The following MAEA variants were observed in gnomAD, a reference collection of about 807,000 sequenced individuals.
The protein encoded by MAEA is E3 ubiquitin-protein transferase MAEA.
In MAEA, 22 loss-of-function variants were observed where a neutral mutation model predicts 46.2. That is an observed-to-expected ratio of 0.48 (90% CI 0.34 to 0.68). The LOEUF is 0.68. MAEA is among the 30% of genes least tolerant of loss of function. The pLI is 0.01. For missense variants in MAEA, 393 were observed against 558.1 expected (o/e 0.70, Z 2.98); for synonymous variants, 246 against 222.6 (o/e 1.11, Z -0.94).
intron 5 of MAEA, 144 bp downstream of exon 5, chr4:1,327,847 G>A: frequency 1.5e-6 from 1 of 650,020 alleles, no homozygotes; most frequent in Non-Finnish European, 2.7e-6. Flanking sequence ...GCCTGCTCAG[G>A]TGGCTGCTTC....
intron 4 of MAEA, among the ~76,000 whole-genome samples, chr4:1,324,688 A>G (rs1318651264): frequency 8.7e-6 from 1 of 114,676 alleles, no homozygotes; most frequent in African/African-American, 3.9e-5. Context: ...CTGGTGTTGG[A>G]TGAAGTTGAG....
intron 6 of MAEA, chr4:1,335,032 C>T (rs1462809704): frequency 2.4e-5 from 24 of 985,406 alleles, no homozygotes; most frequent in Admixed American, 1.8e-4. Context: ...CAGGTGTGGC[C>T]GTCTCCCCCC....
intron 4 of MAEA, among the ~76,000 whole-genome samples, chr4:1,323,024 G>T (rs1738353224): frequency 7.3e-6 from 1 of 136,502 alleles, no homozygotes; most frequent in Non-Finnish European, 1.5e-5. Context: ...GCACGATCTT[G>T]GCTCACTTGC....
chr4:1,292,871 T>C (rs1044012516), intron 1 of MAEA, among the ~76,000 whole-genome samples: 2 of 147,524 alleles, frequency 1.4e-5, no homozygotes, highest in Non-Finnish European at 3.0e-5. Context: ...AGGGGAAAGA[T>C]GAATAACTCA....
At chr4:1,325,533 T>C (rs1738700463) in intron 4 of MAEA, among the ~76,000 whole-genome samples, 2 of 152,190 alleles carry the variant, frequency 1.3e-5, no homozygotes, top group Non-Finnish European at 2.9e-5. Flanking sequence ...GTGTCTATTG[T>C]GTGAAGCGGT....
At chr4:1,335,049 G>C in intron 6 of MAEA, 1 of 985,402 alleles carries the variant, frequency 1.0e-6, no homozygotes. Flanking sequence ...CCCCAAGCTA[G>C]AGACTGAGCG....
chr4:1,295,522 A>G (rs983397744), intron 1 of MAEA, among the ~76,000 whole-genome samples: 2 of 151,676 alleles, frequency 1.3e-5, no homozygotes, highest in African/African-American at 4.8e-5. Flanking sequence ...CGAGCCTTTC[A>G]TACCTGTCCT....
rs1317002901 is a variant in MAEA, at chr4:1,336,845, GCT to G, written c.766-11_766-10del. On this transcript the variant is annotated splice_polypyrimidine_tract_variant and intron_variant, in intron 6 of 8. Transcript: ENST00000303400. ...CCTGGGAGCATCCCCAGGACCCTCT[GCT>G]CTCTGTCTTCCAGGACCTTCTGGAC... 6 of 1,611,640 alleles carry G rather than the reference GCT, an allele frequency of 3.7e-6. No homozygotes were observed. The African/African-American group carries it at 5.3e-5, about 14-fold the overall frequency.
chr4:1,300,622 C>T (rs1391329741), intron 1 of MAEA, among the ~76,000 whole-genome samples: 1 of 152,258 alleles, frequency 6.6e-6, no homozygotes, highest in East Asian at 1.9e-4. Context: ...GCGTGGCGTG[C>T]GTGTGTGCCG....
chr4:1,305,732 C>T (rs901623301), intron 1 of MAEA, among the ~76,000 whole-genome samples: 3 of 152,028 alleles, frequency 2.0e-5, no homozygotes, highest in African/African-American at 4.8e-5. Flanking sequence ...TGTGCGCACG[C>T]GTGTGTGGGA....
At position 1,322,575 on chromosome 4, in the gene MAEA, C is replaced by A. The variant is rs1004065171; in HGVS notation, c.579+72C>A. On this transcript the variant is annotated intron_variant, in intron 4 of 8. Transcript: ENST00000303400. ...TGCGCCACCTGCCCTGGAGCCAGCA[C>A]CCCCTTGCCTGGTGGTTCACAGTAG... The A allele has an allele frequency of 5.1e-6, 8 of 1,578,056 alleles. No individual in the cohort carries two copies. In the South Asian group the frequency reaches 9.2e-5, roughly 18 times the overall value.
At chr4:1,321,078 C>T (rs977139606) in intron 3 of MAEA, among the ~76,000 whole-genome samples, 4 of 151,898 alleles carry the variant, frequency 2.6e-5, no homozygotes, top group African/African-American at 9.7e-5. Context: ...CCAGCCTGGG[C>T]GGCAGAGCGA....
chr4:1,337,159 C>T (rs553007297), intron 7 of MAEA, 165 bp downstream of exon 7: 20 of 796,262 alleles, frequency 2.5e-5, no homozygotes, highest in East Asian at 5.3e-5. Context: ...GGGGTGGGGC[C>T]GTGTTGAGGG....
Position 1,299,748 on chromosome 4 carries a change from T to C in MAEA, c.69+9766T>C, listed in dbSNP as rs1486881543. The C allele has an allele frequency of 2.6e-5, 4 of 152,422 alleles. No homozygotes were observed. In the East Asian group the frequency reaches 7.7e-4, roughly 29 times the overall value. 9.4% of individuals were successfully genotyped at this position (152,422 alleles called of 1,614,324 possible). A position where few individuals can be genotyped will look rare whatever the true frequency, so the allele number is the denominator to read the frequency against. ...CTTCAATCTTTGCCAACGTCCGTGGTCCCATGTCCTCACCTCCTTCAATCT... is the reference window on the plus strand; with the variant it reads ...CTTCAATCTTTGCCAACGTCCGTGGCCCCATGTCCTCACCTCCTTCAATCT... On this transcript the variant is annotated intron_variant, in intron 1 of 8. Transcript: ENST00000303400.
At chr4:1,301,162 C>G (rs920548735) in intron 1 of MAEA, among the ~76,000 whole-genome samples, 21 of 152,222 alleles carry the variant, frequency 1.4e-4, no homozygotes, top group Non-Finnish European at 2.4e-4. Flanking sequence ...ATGATGATGA[C>G]ACACTGAAAT....
At position 1,317,067 on chromosome 4, in the gene MAEA, C is replaced by G. The variant is rs866955960; in HGVS notation, c.456+1467C>G. ...CCGGTCCCACACTCCAGACTCACCC[C>G]CAGGCCCACCCCGGCCCCCACACTC... is the stretch of plus-strand genomic sequence containing the variant. On this transcript the variant is annotated intron_variant, in intron 3 of 8. Transcript: ENST00000303400. Among the ~76,000 whole-genome samples the G allele has an allele frequency of 9.6e-4, 95 of 99,158 alleles. 2 individuals are homozygous for G. Among genetic ancestry groups the G allele is most frequent in the South Asian group, 2.6e-3 (7 of 2,734 alleles). 65.1% of individuals were successfully genotyped at this position (99,158 alleles called of 152,430 possible).
At chr4:1,327,493 C>G (rs576169632) in intron 4 of MAEA, 134 bp from the exon 5 acceptor site, 2 of 733,394 alleles carry the variant, frequency 2.7e-6, no homozygotes, top group East Asian at 2.5e-5. Flanking sequence ...TCAGCCCTGC[C>G]TTCCCCGTGC....
At position 1,322,556 on chromosome 4, in the gene MAEA, A is replaced by C. The variant is rs115728026; in HGVS notation, c.579+53A>C. 1,831 of 1,600,756 alleles carry C rather than the reference A, an allele frequency of 1.1e-3. 20 individuals are homozygous for C. The African/African-American group carries it at 0.021, about 19-fold the overall frequency. ...AGTGGGTCGGGGCCGAGGCTGCGCCACCTGCCCTGGAGCCAGCACCCCCTT... is the reference window on the plus strand; with the variant it reads ...AGTGGGTCGGGGCCGAGGCTGCGCCCCCTGCCCTGGAGCCAGCACCCCCTT... On this transcript the variant is annotated intron_variant, in intron 4 of 8. Transcript: ENST00000303400.
At chr4:1,328,178 C>T (rs368940810) in intron 5 of MAEA, among the ~76,000 whole-genome samples, 11 of 152,332 alleles carry the variant, frequency 7.2e-5, no homozygotes, top group African/African-American at 1.2e-4. Context: ...CTGGGTTCTC[C>T]GGCCTGTCTC....
Sources: gnomAD v4.1 joint callset for allele counts (sites outside exome capture counted in the v4.1 genomes callset) on GRCh38, gnomAD v4.1.1 for gene constraint, MANE v1.5 for transcripts, NCBI Gene and HGNC (gene_info 2026-07-23, HGNC 2026-07-21) for gene names.